TELO2: variants seen among roughly 807,000 people sequenced by gnomAD.
TELO2 encodes the protein telomere maintenance 2.
In TELO2, 71 loss-of-function variants were observed where a neutral mutation model predicts 91.0. The observed-to-expected ratio is 0.78, with a 90% CI of 0.64 to 0.95. TELO2 has a LOEUF of 0.95. Ranked by LOEUF, TELO2 falls within the 40% of genes least tolerant of loss-of-function variation. TELO2 has a pLI of 0.00. For missense variants in TELO2, 1,183 were observed against 1,141.3 expected (o/e 1.04, Z -0.53); for synonymous variants, 584 against 518.9 (o/e 1.13, Z -1.71).
chr16:1,498,405 A>G (rs938134231), intron 5 of TELO2, among the ~76,000 whole-genome samples: 6 of 152,108 alleles, frequency 3.9e-5, no homozygotes, highest in African/African-American at 1.4e-4. Flanking sequence ...ATGTAATCAC[A>G]TTCTATTTTA....
Position 1,494,709 on chromosome 16 carries a change from G to C in TELO2, c.335+93G>C, listed in dbSNP as rs2039416606. The C allele has an allele frequency of 1.1e-5, 14 of 1,287,154 alleles. No homozygotes were observed. The highest frequency in any genetic ancestry group is 3.0e-5 in the African/African-American group (2 of 67,202). 79.7% of individuals were successfully genotyped at this position (1,287,154 alleles called of 1,614,324 possible). A position where few individuals can be genotyped will look rare whatever the true frequency, so the allele number is the denominator to read the frequency against. Reference sequence around the variant, plus strand: ...TGGACCAAGAGCCTCTCTAGTCCCTGTGAGGGGCTAGAGAGAGAGCCTGCT... The same window carrying C: ...TGGACCAAGAGCCTCTCTAGTCCCTCTGAGGGGCTAGAGAGAGAGCCTGCT... On this transcript the variant is annotated intron_variant, in intron 2 of 20. Coordinates refer to ENST00000262319, the MANE Select transcript of TELO2 (RefSeq NM_016111.4). The surrounding 1 kb of genome is among the most constrained non-coding windows in gnomAD (Gnocchi z 5.6).
At chr16:1,507,860 GT>G in intron 20 of TELO2, 144 bp downstream of exon 20, 1 of 268,628 alleles carries the variant, frequency 3.7e-6, no homozygotes, top group Non-Finnish European at 5.9e-6. Context: ...GTGTGTGTGT[GT>G]GTGTGTGTGT....
intron 6 of TELO2, among the ~76,000 whole-genome samples, chr16:1,499,686 G>A (rs1039669524): frequency 3.3e-5 from 5 of 152,152 alleles, no homozygotes; most frequent in African/African-American, 1.2e-4. Context: ...CGTCCCCATG[G>A]CCTGGAGCCC....
Position 1,495,587 on chromosome 16 carries a change from G to C in TELO2, c.577G>C (p.Val193Leu). 6.2e-7 allele frequency: 1 copy of C among 1,607,048 alleles called. No homozygotes were observed. Among genetic ancestry groups the C allele is most frequent in the East Asian group, 2.2e-5 (1 of 44,676 alleles). Residue 193 changes from valine (V) to leucine (L), a missense_variant, in exon 3 of 21, where the codon GTC (valine) becomes CTC (leucine). Physicochemically the swap from Val to Leu is conservative, Grantham distance 32. Coordinates refer to ENST00000262319, the MANE Select transcript of TELO2 (RefSeq NM_016111.4). The stretch of plus-strand genomic sequence containing the variant: ...CTTCCGCCTGCTCGGCGAGGAGGTC[G>C]TCCGGGTGCTGCAGGCGGTTGTGGA... ...NYFRLLGEEV[V>L]RVLQAVVDSL...
chr16:1,508,217 C>T lies in TELO2; in HGVS notation c.2407+501C>T, dbSNP rs567541983. On this transcript the variant is annotated intron_variant, in intron 20 of 20. Coordinates refer to ENST00000262319, the MANE Select transcript of TELO2 (RefSeq NM_016111.4). ...GCACAATCTTGGCTCACTGCGACCT[C>T]CGCCTCCTGGGTTCAAGCAATTCTC... Among the ~76,000 whole-genome samples the T allele has an allele frequency of 1.5e-4, 23 of 152,300 alleles. No individual in the cohort carries two copies. In the East Asian group the frequency reaches 4.3e-3, roughly 28 times the overall value.
intron 14 of TELO2, 26 bp downstream of exon 14, chr16:1,502,787 G>A (rs1327148950): frequency 1.2e-6 from 2 of 1,608,576 alleles, no homozygotes; most frequent in South Asian, 1.1e-5. Context: ...CGTGGCCCTG[G>A]CCAGTGCAGG....
rs147956048 is a variant in TELO2 at position 1,494,318 on chromosome 16, C to T, written c.37C>T (p.Arg13Trp). ...ACCCTCAGAGGTTCGACTCGCCGTC[C>T]GGGAAGCCATTCATGCCCTCTCGTC... ...PAPSEVRLAV[R>W]EAIHALSSSE... is the part of the protein sequence containing the mutation. Residue 13 changes from arginine (R) to tryptophan (W), a missense_variant, in exon 2 of 21, where the codon CGG (arginine) becomes TGG (tryptophan). Coordinates refer to ENST00000262319, the MANE Select transcript of TELO2 (RefSeq NM_016111.4). The surrounding 1 kb of genome is among the most constrained non-coding windows in gnomAD (Gnocchi z 5.6). The T allele has an allele frequency of 7.4e-6, 12 of 1,613,282 alleles. No homozygotes were observed. Among genetic ancestry groups the T allele is most frequent in the South Asian group, 2.2e-5 (2 of 91,078 alleles).
At position 1,505,629 on chromosome 16, in the gene TELO2, G is replaced by C. The variant is rs200944402; in HGVS notation, c.2034+28G>C. 2 of 1,595,274 alleles carry C rather than the reference G, an allele frequency of 1.3e-6. No homozygotes were observed. The highest frequency in any genetic ancestry group is 1.7e-6 in the Non-Finnish European group (2 of 1,169,890). Reference sequence around the variant, plus strand: ...TAGTGGCGCCTGGTCAGCTCCTCACGGGCATGGGGACCGTGGGTGGGTGGG... The same window carrying C: ...TAGTGGCGCCTGGTCAGCTCCTCACCGGCATGGGGACCGTGGGTGGGTGGG... On this transcript the variant is annotated intron_variant, in intron 16 of 20. Coordinates refer to ENST00000262319, the MANE Select transcript of TELO2 (RefSeq NM_016111.4). The surrounding 1 kb of genome is among the most constrained non-coding windows in gnomAD (Gnocchi z 4.3).
intron 15 of TELO2, among the ~76,000 whole-genome samples, chr16:1,503,882 A>G (rs942973803): frequency 6.6e-6 from 1 of 152,146 alleles, no homozygotes; most frequent in Non-Finnish European, 1.5e-5. Context: ...CTGTCATCCC[A>G]GTGCTGTGGG....
chr16:1,507,295 C>G lies in TELO2; in HGVS notation c.2227-11C>G. 1.2e-6 allele frequency: 2 copies of G among 1,607,798 alleles called. No individual in the cohort carries two copies. Among genetic ancestry groups the G allele is most frequent in the East Asian group, 4.5e-5 (2 of 44,864 alleles). On this transcript the variant is annotated splice_polypyrimidine_tract_variant and intron_variant, in intron 18 of 20. Coordinates refer to ENST00000262319, the MANE Select transcript of TELO2 (RefSeq NM_016111.4). ...CGGGACCCCACTGACTGTCCCTCTGCTGGTGTCCAGGTGGCTGTGGCCATG... is the reference window on the plus strand; with the variant it reads ...CGGGACCCCACTGACTGTCCCTCTGGTGGTGTCCAGGTGGCTGTGGCCATG...
chr16:1,504,448 A>G (rs1269013513), intron 15 of TELO2, among the ~76,000 whole-genome samples: 1 of 150,378 alleles, frequency 6.6e-6, no homozygotes, highest in Admixed American at 6.7e-5. Flanking sequence ...AAAAAAAAAA[A>G]AAAAAAAGGG....
rs774316889 is a variant in TELO2, at chr16:1,500,605, A to C, written c.1187A>C (p.Asp396Ala). The stretch of plus-strand genomic sequence containing the variant: ...ATGGCGGGCGTGAAGTGCCGCCTGG[A>C]CAGTAGCCTGCCCCCCGTGCGACGC... ...SMMAGVKCRL[D>A]SSLPPVRRLG... Residue 396 changes from aspartate to alanine, a missense_variant, in exon 9 of 21, where the codon GAC (aspartate) becomes GCC (alanine). Physicochemically the swap from Asp to Ala is moderately radical, Grantham distance 126. Transcript: ENST00000262319. The C allele has an allele frequency of 1.7e-5, 27 of 1,612,030 alleles. No homozygotes were observed. Among genetic ancestry groups the C allele is most frequent in the Non-Finnish European group, 2.2e-5 (26 of 1,179,724 alleles).
chr16:1,495,271 G>C lies in TELO2; in HGVS notation c.336-75G>C, dbSNP rs1368486433. On this transcript the variant is annotated intron_variant, in intron 2 of 20. Transcript: ENST00000262319. ...TGGGGCTGCCCGTGTAATCCGGGCT[G>C]CTGGTTCCTTGTGGCAGGAAGGGGG... The C allele has an allele frequency of 4.7e-6, 7 of 1,480,466 alleles. No individual in the cohort carries two copies. In the Admixed American group the frequency reaches 1.1e-4, roughly 24 times the overall value. The allele number at this position is 1,480,466 out of a possible 1,614,324, so 91.7% of individuals were successfully genotyped here. A position where few individuals can be genotyped will look rare whatever the true frequency, so the allele number is the denominator to read the frequency against.
intron 5 of TELO2, among the ~76,000 whole-genome samples, chr16:1,498,125 C>T (rs1302740766): frequency 6.6e-6 from 1 of 151,986 alleles, no homozygotes; most frequent in African/African-American, 2.4e-5. Context: ...AGTGATTCTC[C>T]TGCCTCAGCC....
intron 9 of TELO2, among the ~76,000 whole-genome samples, 197 bp from the exon 10 acceptor site, chr16:1,501,223 A>G (rs2039664966): frequency 1.3e-5 from 2 of 152,096 alleles, no homozygotes; most frequent in East Asian, 1.9e-4. Context: ...AGCTTTGAGC[A>G]CTCCCAGTGC....
At chr16:1,503,515 A>C (rs1039875247) in intron 15 of TELO2, among the ~76,000 whole-genome samples, 6 of 151,800 alleles carry the variant, frequency 4.0e-5, no homozygotes, top group African/African-American at 1.5e-4. Context: ...GCACCACCGC[A>C]CTCCCGTGTG....
In TELO2 at chr16:1,507,041, T is replaced by C. The variant is rs774999658; in HGVS notation, c.2216T>C (p.Val739Ala). ...TTAGGGGCCCTGATGTGCCTGGCTGTTAACACCACGGTGAGCCGGGAGAGG... is the reference window on the plus strand; with the variant it reads ...TTAGGGGCCCTGATGTGCCTGGCTGCTAACACCACGGTGAGCCGGGAGAGG... ...HTLGALMCLA[V>A]NTTVAVAMGK... Residue 739 changes from valine (V) to alanine (A), a missense_variant, in exon 18 of 21, where the codon GTT becomes GCT. Coordinates refer to ENST00000262319, the MANE Select transcript of TELO2 (RefSeq NM_016111.4). 1.2e-6 allele frequency: 2 copies of C among 1,608,804 alleles called. No individual in the cohort carries two copies. Among genetic ancestry groups the C allele is most frequent in the African/African-American group, 2.7e-5 (2 of 74,836 alleles).
chr16:1,507,178 G>A (rs1363387378), intron 18 of TELO2, 127 bp downstream of exon 18: 20 of 1,487,436 alleles, frequency 1.3e-5, no homozygotes, highest in East Asian at 9.6e-5. Context: ...CCCGGGCAGC[G>A]GGAGCATCCC....
Position 1,505,614 on chromosome 16 carries a change from T to C in TELO2, c.2034+13T>C. The C allele has an allele frequency of 7.0e-7, 1 of 1,434,760 alleles. No homozygotes were observed. The highest frequency in any genetic ancestry group is 9.5e-7 in the Non-Finnish European group (1 of 1,055,470). The allele number at this position is 1,434,760 out of a possible 1,614,324, so 88.9% of individuals were successfully genotyped here. A position where few individuals can be genotyped will look rare whatever the true frequency, so the allele number is the denominator to read the frequency against. On this transcript the variant is annotated intron_variant, in intron 16 of 20. Transcript: ENST00000262319. This position sits in a 1 kb window ranked among gnomAD's most constrained non-coding sequence, Gnocchi z 4.3. ...GCGGCTCTCCAAGGTTAGTGGCGCC[T>C]GGTCAGCTCCTCACGGGCATGGGGA...
Sources: allele counts gnomAD v4.1 joint callset (sites outside exome capture counted in the v4.1 genomes callset), GRCh38; gene constraint gnomAD v4.1.1; non-coding constraint Gnocchi (gnomAD v3.1); transcripts MANE v1.5; gene names NCBI Gene and HGNC (gene_info 2026-07-23, HGNC 2026-07-21).